BMP6: variants seen among roughly 807,000 people sequenced by gnomAD.
BMP6 encodes VG-1-R.
A neutral mutation model predicts 54.1 loss-of-function variants in BMP6; 17 were observed. The ratio of observed to expected loss-of-function variants is 0.31; its 90% CI spans 0.22 to 0.47. BMP6 has a LOEUF of 0.47. Among genes scored for constraint, BMP6 ranks in the 20% least tolerant of loss-of-function variants. The pLI is 1.00. For synonymous variants in BMP6, 328 were observed against 291.2 expected (o/e 1.13, Z -1.28); for missense variants, 720 against 690.4 (o/e 1.04, Z -0.48).
chr6:7,867,762 T>C (rs1420105733), intron 4 of BMP6, among the ~76,000 whole-genome samples: 1 of 152,144 alleles, frequency 6.6e-6, no homozygotes, highest in Non-Finnish European at 1.5e-5. Flanking sequence ...TCATGGCAAA[T>C]AGTGATCTAA....
intron 2 of BMP6, among the ~76,000 whole-genome samples, chr6:7,851,728 A>G (rs1283265448): frequency 4.6e-5 from 7 of 152,176 alleles, no homozygotes; most frequent in African/African-American, 1.7e-4. Flanking sequence ...TTCAGTAGAT[A>G]AAGGAAATTC....
chr6:7,808,475 A>T (rs1758385702), intron 1 of BMP6, among the ~76,000 whole-genome samples: 1 of 152,194 alleles, frequency 6.6e-6, no homozygotes, highest in Non-Finnish European at 1.5e-5. Context: ...ATAACTTCTT[A>T]AGACTGCCAG....
chr6:7,803,378 C>G (rs1201354325), intron 1 of BMP6, among the ~76,000 whole-genome samples: 1 of 152,168 alleles, frequency 6.6e-6, no homozygotes, highest in Non-Finnish European at 1.5e-5. Flanking sequence ...TCATCCTAGA[C>G]ACCACTACCA....
chr6:7,781,582 T>C (rs927444588), intron 1 of BMP6, among the ~76,000 whole-genome samples: 1 of 151,554 alleles, frequency 6.6e-6, no homozygotes, highest in African/African-American at 2.4e-5. Context: ...TGAGTCTCTC[T>C]CCATTCATTC....
intron 1 of BMP6, among the ~76,000 whole-genome samples, chr6:7,810,600 T>C (rs1217261011): frequency 6.6e-6 from 1 of 152,240 alleles, no homozygotes; most frequent in Non-Finnish European, 1.5e-5. Flanking sequence ...TAGATCTTTC[T>C]TCCTTGGATA....
Position 7,880,310 on chromosome 6 carries a change from G to A in BMP6, c.1509G>A (p.Arg503=), listed in dbSNP as rs866183200. The change falls in exon 7 of 7, where the codon AGG becomes AGA. Residue 503 remains arginine (R), a synonymous_variant. Coordinates refer to ENST00000283147, the MANE Select transcript of BMP6 (RefSeq NM_001718.6). ...DNSNVILKKY[R]NMVVRACGCH Reference sequence around the variant, plus strand: ...CCAATGTCATTCTGAAAAAATACAGGAATATGGTTGTAAGAGCTTGTGGAT... The same window carrying A: ...CCAATGTCATTCTGAAAAAATACAGAAATATGGTTGTAAGAGCTTGTGGAT... The A allele has an allele frequency of 6.2e-7, 1 of 1,614,122 alleles. No homozygotes were observed. Among genetic ancestry groups the A allele is most frequent in the Non-Finnish European group, 8.5e-7 (1 of 1,180,020 alleles).
At chr6:7,861,421 A>G (rs773102454) in intron 2 of BMP6, 30 bp from the exon 3 acceptor site, 2 of 1,612,344 alleles carry the variant, frequency 1.2e-6, no homozygotes, top group Non-Finnish European at 8.5e-7. Flanking sequence ...GCAGTGCGCT[A>G]TTTACCAGGC....
intron 1 of BMP6, among the ~76,000 whole-genome samples, chr6:7,756,858 C>T (rs192443658): frequency 5.3e-5 from 8 of 152,304 alleles, no homozygotes; most frequent in African/African-American, 9.6e-5. Flanking sequence ...TTCTCCAGCA[C>T]GCAAACTTTC....
intron 4 of BMP6, among the ~76,000 whole-genome samples, chr6:7,872,393 T>C (rs1401472430): frequency 6.6e-6 from 1 of 152,004 alleles, no homozygotes; most frequent in East Asian, 1.9e-4. Context: ...TCAACCTTCA[T>C]AAATATTTAT....
chr6:7,871,326 G>A (rs988809023), intron 4 of BMP6, among the ~76,000 whole-genome samples: 1 of 152,218 alleles, frequency 6.6e-6, no homozygotes, highest in East Asian at 1.9e-4. Context: ...ACTGAAAGCC[G>A]CGCTGCTAAA....
At chr6:7,877,477 G>A (rs1350736901) in intron 4 of BMP6, among the ~76,000 whole-genome samples, 2 of 152,080 alleles carry the variant, frequency 1.3e-5, no homozygotes, top group African/African-American at 4.8e-5. Context: ...CAAAAAATTA[G>A]CTGGGCATGG....
intron 1 of BMP6, among the ~76,000 whole-genome samples, chr6:7,791,862 C>T (rs9392176): frequency 6.6e-6 from 1 of 152,018 alleles, no homozygotes; most frequent in Non-Finnish European, 1.5e-5. Flanking sequence ...ATTTTATATC[C>T]GTCTACTTAT....
At chr6:7,772,543 G>T (rs1263723811) in intron 1 of BMP6, among the ~76,000 whole-genome samples, 1 of 152,178 alleles carries the variant, frequency 6.6e-6, no homozygotes, top group Non-Finnish European at 1.5e-5. Flanking sequence ...TTTACAGTGA[G>T]AATGACAACT....
chr6:7,878,191 A>G (rs1424336683), intron 4 of BMP6, among the ~76,000 whole-genome samples: 1 of 151,654 alleles, frequency 6.6e-6, no homozygotes, highest in African/African-American at 2.4e-5. Flanking sequence ...CGTAGCATCC[A>G]TGTTCTGGTT....
At chr6:7,805,988 A>T (rs1758341884) in intron 1 of BMP6, among the ~76,000 whole-genome samples, 1 of 152,236 alleles carries the variant, frequency 6.6e-6, no homozygotes. Context: ...TGAAGTGTCC[A>T]CTTGGAAAGA....
chr6:7,839,490 G>GGT (rs1240671546), intron 1 of BMP6, among the ~76,000 whole-genome samples: 1 of 152,234 alleles, frequency 6.6e-6, no homozygotes, highest in East Asian at 1.9e-4. Flanking sequence ...CATAGCCCCT[G>GGT]GTATACCATT....
chr6:7,773,874 G>A (rs1757824382), intron 1 of BMP6, among the ~76,000 whole-genome samples: 1 of 152,150 alleles, frequency 6.6e-6, no homozygotes, highest in South Asian at 2.1e-4. Flanking sequence ...TCTTCTGAGT[G>A]AGCCTATTTT....
chr6:7,812,610 C>A (rs758849881), intron 1 of BMP6, among the ~76,000 whole-genome samples: 2 of 152,124 alleles, frequency 1.3e-5, no homozygotes, highest in Non-Finnish European at 2.9e-5. Context: ...CATTAACCCT[C>A]TGGTATATTT....
At chr6:7,761,569 A>C (rs1268597023) in intron 1 of BMP6, among the ~76,000 whole-genome samples, 1 of 152,210 alleles carries the variant, frequency 6.6e-6, no homozygotes, top group Non-Finnish European at 1.5e-5. Context: ...GAAGGATGGA[A>C]TGGCCGGAAC....
Sources: gnomAD v4.1 joint callset for allele counts (sites outside exome capture counted in the v4.1 genomes callset) on GRCh38, gnomAD v4.1.1 for gene constraint, MANE v1.5 for transcripts, NCBI Gene and HGNC (gene_info 2026-07-23, HGNC 2026-07-21) for gene names.